PDZK1: variants seen among roughly 807,000 people sequenced by gnomAD.
The protein encoded by PDZK1 is Na(+)/H(+) exchange regulatory cofactor NHE-RF3.
Under a neutral mutation model 38.1 loss-of-function variants are expected in PDZK1, and 23 were observed. The ratio of observed to expected loss-of-function variants is 0.60; its 90% CI spans 0.43 to 0.85. PDZK1 has a LOEUF of 0.85. PDZK1 is among the 40% of genes least tolerant of loss of function. The pLI is 0.00. For missense variants in PDZK1, 297 were observed against 504.3 expected, an observed-to-expected ratio of 0.59 and a Z score of 3.94; for synonymous variants, 98 against 186.2, an observed-to-expected ratio of 0.53 and a Z score of 3.86.
chr1:145,676,502 G>A (rs1463420750), intron 6 of PDZK1, among the ~76,000 whole-genome samples: 5 of 151,134 alleles, frequency 3.3e-5, no homozygotes, highest in African/African-American at 7.3e-5. Flanking sequence ...TTGGGAGGCC[G>A]AGGCGGGCGG....
At chr1:145,696,297 A>G (rs1553704122) in intron 1 of PDZK1, among the ~76,000 whole-genome samples, 2 of 152,106 alleles carry the variant, frequency 1.3e-5, no homozygotes, top group Non-Finnish European at 2.9e-5. Context: ...CTGGCTCAGT[A>G]TTTTCTACTA....
intron 1 of PDZK1, among the ~76,000 whole-genome samples, chr1:145,692,875 C>CAA (rs1207975987): frequency 3.5e-5 from 5 of 141,214 alleles, no homozygotes; most frequent in African/African-American, 1.0e-4. Flanking sequence ...TCCTAAAATT[C>CAA]AAAAAAAAAA....
chr1:145,701,170 A>C (rs1020709134), intron 1 of PDZK1, among the ~76,000 whole-genome samples: 1 of 151,482 alleles, frequency 6.6e-6, no homozygotes, highest in Non-Finnish European at 1.5e-5. Flanking sequence ...GTACCACTGC[A>C]CTCCAACCTG....
chr1:145,672,588 A>T, intron 8 of PDZK1, 142 bp downstream of exon 8: 1 of 1,041,714 alleles, frequency 9.6e-7, no homozygotes, highest in Admixed American at 2.6e-5. Flanking sequence ...CTCTACAATA[A>T]CTTGATTTGT....
At chr1:145,687,473 C>A (rs1416472260) in intron 2 of PDZK1, among the ~76,000 whole-genome samples, 1 of 144,240 alleles carries the variant, frequency 6.9e-6, no homozygotes, top group Non-Finnish European at 1.5e-5. Flanking sequence ...TGCAGTGAAC[C>A]GAGATCGCAC....
chr1:145,705,973 C>T (rs1237476305), intron 1 of PDZK1, among the ~76,000 whole-genome samples: 12 of 152,032 alleles, frequency 7.9e-5, no homozygotes, highest in Admixed American at 4.6e-4. Context: ...AGGCTGGTCT[C>T]GAACTCCTGG....
intron 1 of PDZK1, among the ~76,000 whole-genome samples, chr1:145,695,687 G>A (rs1655589894): frequency 1.3e-5 from 2 of 152,050 alleles, no homozygotes. Flanking sequence ...TTCCAAGAAG[G>A]GCAGGTAGGC....
At chr1:145,671,546 C>G in intron 8 of PDZK1, 57 bp from the exon 9 acceptor site, 1 of 1,126,954 alleles carries the variant, frequency 8.9e-7, no homozygotes, top group East Asian at 2.5e-5. Context: ...GAGGGATGAT[C>G]TATTCTAGAG....
chr1:145,671,303 T>C lies in PDZK1; in HGVS notation c.*133A>G. ...GATAACAGAAGACAATCACACATGG[T>C]GAATGGTTTCCAGTGGAGTTTTTCT... On this transcript the variant is annotated 3_prime_UTR_variant, in exon 9 of 9. Transcript: ENST00000417171. 1 of 1,464,536 alleles carries C rather than the reference T, an allele frequency of 6.8e-7. No homozygotes were observed. Among genetic ancestry groups the C allele is most frequent in the Non-Finnish European group, 9.1e-7 (1 of 1,095,826 alleles). The allele number at this position is 1,464,536 out of a possible 1,614,324, so 90.7% of individuals were successfully genotyped here. A position where few individuals can be genotyped will look rare whatever the true frequency, so the allele number is the denominator to read the frequency against.
chr1:145,671,478 T>C lies in PDZK1; in HGVS notation c.1518A>G (p.Thr506=), dbSNP rs1571562334. The C allele has an allele frequency of 6.4e-7, 1 of 1,563,792 alleles. No individual in the cohort carries two copies. The highest frequency in any genetic ancestry group is 2.2e-5 in the East Asian group (1 of 44,490). The stretch of plus-strand genomic sequence containing the variant: ...CAGAATTGGAAGAAGAATGTGAGGC[T>C]GTACTGTGGGCCTGTGTATAAGAAA... ...SHMAKERAHS[T]ASHSSSNSED... Residue 506 remains threonine, a synonymous_variant, in exon 9 of 9, where the codon ACA becomes ACG. Coordinates refer to ENST00000417171, the MANE Select transcript of PDZK1 (RefSeq NM_001201325.2).
intron 1 of PDZK1, among the ~76,000 whole-genome samples, chr1:145,688,358 A>G (rs1349198378): frequency 6.6e-6 from 1 of 152,206 alleles, no homozygotes; most frequent in Non-Finnish European, 1.5e-5. Context: ...CAAAAAATTT[A>G]TGACAAGCCC....
chr1:145,692,789 C>T (rs1655329645), intron 1 of PDZK1, among the ~76,000 whole-genome samples: 1 of 151,746 alleles, frequency 6.6e-6, no homozygotes, highest in Non-Finnish European at 1.5e-5. Context: ...AATTCCAGCA[C>T]TTTGGGAGGC....
At chr1:145,705,237 G>A (rs1656181155) in intron 1 of PDZK1, among the ~76,000 whole-genome samples, 2 of 152,018 alleles carry the variant, frequency 1.3e-5, no homozygotes, top group Admixed American at 6.6e-5. Context: ...ACTACAGACA[G>A]GCAGTACCAC....
Position 145,706,804 on chromosome 1 carries a change from G to A in PDZK1, c.-3+513C>T, listed in dbSNP as rs79892086. On this transcript the variant is annotated intron_variant, in intron 1 of 8. Coordinates refer to ENST00000417171, the MANE Select transcript of PDZK1 (RefSeq NM_001201325.2). ...ATTCAGCCAGCCTGGAAATCCACTGGTTTTTCTCATGTCTTAGTGCTGCAG... is the reference window on the plus strand; with the variant it reads ...ATTCAGCCAGCCTGGAAATCCACTGATTTTTCTCATGTCTTAGTGCTGCAG... Among the ~76,000 whole-genome samples, 1,050 of 151,984 alleles carry A rather than the reference G, an allele frequency of 6.9e-3. 10 individuals carry two copies. The highest frequency in any genetic ancestry group is 0.02 in the Middle Eastern group (6 of 294).
At chr1:145,683,605 C>T (rs1375677832) in intron 3 of PDZK1, among the ~76,000 whole-genome samples, 2 of 152,072 alleles carry the variant, frequency 1.3e-5, no homozygotes, top group Non-Finnish European at 2.9e-5. Context: ...AGAGCAGTTC[C>T]CCCTTAACCA....
intron 2 of PDZK1, among the ~76,000 whole-genome samples, chr1:145,687,327 G>A (rs1553702002): frequency 2.0e-5 from 3 of 150,776 alleles, no homozygotes; most frequent in Admixed American, 1.3e-4. Context: ...AGACCATCCT[G>A]GCTAACACGG....
intron 1 of PDZK1, among the ~76,000 whole-genome samples, chr1:145,697,352 AAG>A (rs755502645): frequency 4.6e-5 from 7 of 152,166 alleles, no homozygotes; most frequent in Non-Finnish European, 1.0e-4. Context: ...AAGGAAGGGA[AAG>A]AGAGAAAGAG....
At chr1:145,677,066 T>A (rs2799106) in intron 6 of PDZK1, among the ~76,000 whole-genome samples, 6,020 of 152,120 alleles carry the variant, frequency 0.04, 337 homozygotes, top group African/African-American at 0.13. Context: ...TATTACCAGG[T>A]ATTCCAAGTA....
intron 1 of PDZK1, among the ~76,000 whole-genome samples, chr1:145,688,958 CA>C (rs781798414): frequency 1.3e-5 from 2 of 150,160 alleles, no homozygotes; most frequent in African/African-American, 2.4e-5. Context: ...GACTCTGCCT[CA>C]AAAAAAAAGG....
Sources: allele counts gnomAD v4.1 joint callset (sites outside exome capture counted in the v4.1 genomes callset), GRCh38; gene constraint gnomAD v4.1.1; transcripts MANE v1.5; gene names NCBI Gene and HGNC (gene_info 2026-07-23, HGNC 2026-07-21).